MRM1: variants seen among roughly 807,000 people sequenced by gnomAD.
MRM1 encodes the protein mitochondrial rRNA methyltransferase 1.
MRM1 carries 24 observed loss-of-function variants against 25.0 expected under a neutral mutation model. The observed-to-expected ratio is 0.96, with a 90% confidence interval of 0.69 to 1.35. The LOEUF (loss-of-function observed/expected upper bound fraction) is 1.35. Among genes scored for constraint, MRM1 ranks in the 40% most tolerant of loss-of-function variants. The pLI is 0.00. For missense variants in MRM1, 431 were observed against 464.1 expected (o/e 0.93, Z 0.65); for synonymous variants, 188 against 199.2 (o/e 0.94, Z 0.47).
At chr17:36,613,412 T>C (rs1007152099), downstream of MRM1, among the ~76,000 whole-genome samples, 1 of 152,118 alleles carries the variant, frequency 6.6e-6, no homozygotes, top group South Asian at 2.1e-4. Flanking sequence ...TAATGGTGTT[T>C]ACAAACATGG....
intron 2 of MRM1, among the ~76,000 whole-genome samples, chr17:36,604,445 C>A (rs1425804393): frequency 2.0e-5 from 3 of 152,212 alleles, no homozygotes; most frequent in Non-Finnish European, 4.4e-5. Flanking sequence ...TCTTCCTCAA[C>A]CCCCTGACTT....
At chr17:36,610,826 T>C (rs2074972452), downstream of MRM1, among the ~76,000 whole-genome samples, 1 of 152,116 alleles carries the variant, frequency 6.6e-6, no homozygotes. Flanking sequence ...TATTTTTTCT[T>C]TTTTTGAGAC....
the MRM1 span, among the ~76,000 whole-genome samples, chr17:36,622,203 C>A: frequency 1.0e-3 from 158 of 152,240 alleles, 2 homozygotes; most frequent in African/African-American, 3.6e-3. Context: ...CCTCCTGCCC[C>A]CTCCTGTCCC....
the MRM1 span, among the ~76,000 whole-genome samples, chr17:36,614,318 G>A: frequency 6.6e-6 from 1 of 151,988 alleles, no homozygotes; most frequent in Non-Finnish European, 1.5e-5. Flanking sequence ...GCTGGGGGAG[G>A]TGCTCCAGAA....
chr17:36,611,540 G>A (rs995115157), downstream of MRM1, among the ~76,000 whole-genome samples: 2 of 152,178 alleles, frequency 1.3e-5, no homozygotes, highest in African/African-American at 4.8e-5. Context: ...ACTGGGCCAT[G>A]GGTTGCCCAG....
intron 2 of MRM1, among the ~76,000 whole-genome samples, chr17:36,605,649 T>C (rs2074922335): frequency 6.6e-6 from 1 of 151,582 alleles, no homozygotes; most frequent in Non-Finnish European, 1.5e-5. Flanking sequence ...ATTGTTGTTG[T>C]TGTTTTGCTG....
chr17:36,621,820 C>A, the MRM1 span, among the ~76,000 whole-genome samples: 1 of 152,098 alleles, frequency 6.6e-6, no homozygotes, highest in African/African-American at 2.4e-5. Flanking sequence ...GGGTATGTCA[C>A]TGATTTCTGG....
chr17:36,605,684 A>G (rs1341769559), intron 2 of MRM1, among the ~76,000 whole-genome samples: 4 of 151,610 alleles, frequency 2.6e-5, no homozygotes, highest in Non-Finnish European at 4.4e-5. Context: ...CAAACCTAAC[A>G]TTTCTAAAAC....
At chr17:36,611,010 C>A (rs1252135710), downstream of MRM1, among the ~76,000 whole-genome samples, 1 of 152,176 alleles carries the variant, frequency 6.6e-6, no homozygotes, top group Admixed American at 6.5e-5. Context: ...GATGGGGTTT[C>A]TCCATGTTGG....
chr17:36,605,154 AG>A lies in MRM1; in HGVS notation c.636+2509del, dbSNP rs201063900. ...AAACTCTATCTCAAAAAAAAAAAAA[AG>A]AGAGAGAGAGAGAGAGAGAGATGGG... is the stretch of plus-strand genomic sequence containing the variant. On this transcript the variant is annotated intron_variant, in intron 2 of 4. Transcript: ENST00000614766. Among the ~76,000 whole-genome samples, 51 of 103,968 alleles carry A rather than the reference AG, an allele frequency of 4.9e-4. No homozygotes were observed. In the East Asian group the frequency reaches 0.013, roughly 26 times the overall value. The allele number at this position is 103,968 out of a possible 152,430, so 68.2% of individuals were successfully genotyped here. A position where few individuals can be genotyped will look rare whatever the true frequency, so the allele number is the denominator to read the frequency against.
Position 36,602,385 on chromosome 17 carries a change from A to C in MRM1, c.542+33A>C. On this transcript the variant is annotated intron_variant, in intron 1 of 4. Coordinates refer to ENST00000614766, the MANE Select transcript of MRM1 (RefSeq NM_024864.5). This position sits in a 1 kb window ranked among gnomAD's most constrained non-coding sequence, Gnocchi z 4.1. ...CGTCCCTCATTCTCTATGTGCCCCAACTTGGAGACGCAGCCGAGTTCCTAA... is the reference window on the plus strand; with the variant it reads ...CGTCCCTCATTCTCTATGTGCCCCACCTTGGAGACGCAGCCGAGTTCCTAA... The C allele has an allele frequency of 6.5e-7, 1 of 1,549,494 alleles. No homozygotes were observed. Among genetic ancestry groups the C allele is most frequent in the Non-Finnish European group, 8.7e-7 (1 of 1,145,806 alleles).
At chr17:36,620,073 G>T in the MRM1 span, among the ~76,000 whole-genome samples, 1 of 152,106 alleles carries the variant, frequency 6.6e-6, no homozygotes, top group African/African-American at 2.4e-5. Flanking sequence ...AGTTGTAGGA[G>T]TTCCTTATAT....
In MRM1 at chr17:36,608,699, G is replaced by A. The variant is rs1412322519; in HGVS notation, c.*284G>A. On this transcript the variant is annotated 3_prime_UTR_variant, in exon 5 of 5. Coordinates refer to ENST00000614766, the MANE Select transcript of MRM1 (RefSeq NM_024864.5). ...TCCCAGGCCCTGCCTGGAAGTTGAG[G>A]GAAAGTTTAGACATCTGCAGAGAGG... 2 of 376,456 alleles carry A rather than the reference G, an allele frequency of 5.3e-6. No homozygotes were observed. Among genetic ancestry groups the A allele is most frequent in the Non-Finnish European group, 9.4e-6 (2 of 211,952 alleles). 23.3% of individuals were successfully genotyped at this position (376,456 alleles called of 1,614,324 possible).
chr17:36,604,234 T>A (rs1406291645), intron 2 of MRM1, among the ~76,000 whole-genome samples: 1 of 152,198 alleles, frequency 6.6e-6, no homozygotes, highest in Non-Finnish European at 1.5e-5. Flanking sequence ...CAGTCAGCTC[T>A]TCCTCTCACA....
rs1273431324 is a variant in MRM1, at chr17:36,602,087, G to A, written c.277G>A (p.Glu93Lys). Residue 93 changes from glutamate (E) to lysine (K), a missense_variant, in exon 1 of 5, where the codon GAG (glutamate) becomes AAG (lysine). Glu to Lys is a moderately conservative substitution (Grantham distance 56). Coordinates refer to ENST00000614766, the MANE Select transcript of MRM1 (RefSeq NM_024864.5). The surrounding 1 kb of genome is among the most constrained non-coding windows in gnomAD (Gnocchi z 4.1). ...GCGGGCCGAGCTGCTCCGGATGGCC[G>A]AGGCGCGGGACATTCCAGTTCTGCG... ...GKRAELLRMAEARDIPVLRPR... is the reference protein window; with the variant it reads ...GKRAELLRMAKARDIPVLRPR... 4 of 1,610,664 alleles carry A rather than the reference G, an allele frequency of 2.5e-6. No homozygotes were observed. Among genetic ancestry groups the A allele is most frequent in the Admixed American group, 1.7e-5 (1 of 60,006 alleles).
At chr17:36,618,738 C>A in the MRM1 span, among the ~76,000 whole-genome samples, 6 of 152,186 alleles carry the variant, frequency 3.9e-5, no homozygotes, top group Non-Finnish European at 8.8e-5. Context: ...GGTTCCAGAG[C>A]CAACTGACCA....
chr17:36,609,641 G>A (rs2074962423), downstream of MRM1, among the ~76,000 whole-genome samples: 1 of 152,216 alleles, frequency 6.6e-6, no homozygotes, highest in Non-Finnish European at 1.5e-5. Context: ...CCTGGAGCAT[G>A]GCTTTGGAGG....
chr17:36,611,377 C>T (rs2074975934), downstream of MRM1, among the ~76,000 whole-genome samples: 1 of 152,170 alleles, frequency 6.6e-6, no homozygotes, highest in South Asian at 2.1e-4. Context: ...TTACTACCAG[C>T]CCTATCTACC....
chr17:36,634,225 T>C, the MRM1 span: 80,637 of 152,092 alleles, frequency 0.53, 24,738 homozygotes, highest in African/African-American at 0.86. Context: ...AAAGAACTTG[T>C]ACATGTTTCC....
Sources: allele counts gnomAD v4.1 joint callset (sites outside exome capture counted in the v4.1 genomes callset), GRCh38; gene constraint gnomAD v4.1.1; non-coding constraint Gnocchi (gnomAD v3.1); transcripts MANE v1.5; gene names NCBI Gene and HGNC (gene_info 2026-07-23, HGNC 2026-07-21).